The following PTPN14 variants were observed in gnomAD, a reference collection of about 807,000 sequenced individuals.
The protein encoded by PTPN14 is tyrosine-protein phosphatase non-receptor type 14.
A neutral mutation model predicts 126.8 loss-of-function variants in PTPN14; 53 were observed. That is an observed-to-expected ratio of 0.42 (90% CI 0.34 to 0.53). The LOEUF is 0.53. Ranked by LOEUF, PTPN14 falls within the 20% of genes least tolerant of loss-of-function variation. The probability of loss-of-function intolerance (pLI) is 0.08; values close to 1 mark genes in which losing one functional copy is unlikely to be tolerated. For missense variants in PTPN14, 1,257 were observed against 1,552.9 expected (o/e 0.81, Z 3.20); for synonymous variants, 630 against 599.3 (o/e 1.05, Z -0.75).
chr1:214,438,339 C>A (rs1659964981), intron 3 of PTPN14, among the ~76,000 whole-genome samples: 1 of 152,132 alleles, frequency 6.6e-6, no homozygotes, highest in East Asian at 1.9e-4. Flanking sequence ...GGACAAAGCA[C>A]CAGGCCGCGT....
At chr1:214,358,139 C>T (rs1657868758) in intron 18 of PTPN14, 89 bp from the exon 19 acceptor site, 1 of 1,490,828 alleles carries the variant, frequency 6.7e-7, no homozygotes, top group Non-Finnish European at 9.1e-7. Flanking sequence ...AGCACTCACC[C>T]ACTGCCCATG....
chr1:214,457,894 T>C (rs1235378729), intron 2 of PTPN14, among the ~76,000 whole-genome samples: 4 of 152,312 alleles, frequency 2.6e-5, no homozygotes, highest in East Asian at 3.9e-4. Flanking sequence ...CATAACCACA[T>C]GTGGCTACCA....
intron 5 of PTPN14, among the ~76,000 whole-genome samples, chr1:214,405,088 C>T (rs906341955): frequency 2.6e-5 from 4 of 152,306 alleles, no homozygotes; most frequent in Non-Finnish European, 4.4e-5. Flanking sequence ...CATTTCCATT[C>T]GGAAAGGATG....
intron 1 of PTPN14, among the ~76,000 whole-genome samples, chr1:214,547,779 C>G (rs1456462184): frequency 6.6e-6 from 1 of 152,018 alleles, no homozygotes; most frequent in Non-Finnish European, 1.5e-5. Flanking sequence ...TGTTCTCTGC[C>G]CTTCTAATCT....
At chr1:214,517,107 C>G (rs763795327) in intron 1 of PTPN14, among the ~76,000 whole-genome samples, 2 of 152,162 alleles carry the variant, frequency 1.3e-5, no homozygotes, top group African/African-American at 4.8e-5. Flanking sequence ...CAAATGTAAT[C>G]GGTCCTACCT....
chr1:214,398,027 T>C, intron 7 of PTPN14, 26 bp from the exon 8 acceptor site: 3 of 1,539,994 alleles, frequency 1.9e-6, no homozygotes, highest in Non-Finnish European at 2.7e-6. Context: ...AAAAGATACT[T>C]GTGATGACCC....
At position 214,551,237 on chromosome 1, in the gene PTPN14, C is replaced by CGCG. The variant is rs1331896341; in HGVS notation, c.-212_-210dup. ...AGTCCCGCGCGGAAAGGCTGTCCTTCGCGGCGGCGGAGCCGATTCCCCACG... is the reference window on the plus strand; with the variant it reads ...AGTCCCGCGCGGAAAGGCTGTCCTTCGCGGCGGCGGCGGAGCCGATTCCCCACG... On this transcript the variant is annotated 5_prime_UTR_variant, in exon 1 of 19. Coordinates refer to ENST00000366956, the MANE Select transcript of PTPN14 (RefSeq NM_005401.5). The CGCG allele has an allele frequency of 6.6e-6, 1 of 152,468 alleles. No homozygotes were observed. The highest frequency in any genetic ancestry group is 6.5e-5 in the Admixed American group (1 of 15,294). The allele number at this position is 152,468 out of a possible 1,614,324, so 9.4% of individuals were successfully genotyped here.
intron 3 of PTPN14, among the ~76,000 whole-genome samples, chr1:214,425,333 A>G (rs1659636231): frequency 6.6e-6 from 1 of 152,194 alleles, no homozygotes; most frequent in Non-Finnish European, 1.5e-5. Flanking sequence ...CAGCAGAAAG[A>G]AAAAAACAAA....
At chr1:214,510,770 C>G (rs1347453376) in intron 1 of PTPN14, among the ~76,000 whole-genome samples, 2 of 152,244 alleles carry the variant, frequency 1.3e-5, no homozygotes, top group Non-Finnish European at 1.5e-5. Flanking sequence ...CAGTTCTATG[C>G]CTTGGCTACC....
intron 11 of PTPN14, among the ~76,000 whole-genome samples, chr1:214,389,577 T>TA (rs1228589379): frequency 2.0e-5 from 3 of 152,256 alleles, no homozygotes; most frequent in East Asian, 3.9e-4. Context: ...GGTTTAAACC[T>TA]AAAGGACAGG....
At chr1:214,501,892 TATAAAAA>T (rs1259039977) in intron 1 of PTPN14, among the ~76,000 whole-genome samples, 33 of 151,970 alleles carry the variant, frequency 2.2e-4, no homozygotes, top group Non-Finnish European at 4.6e-4. Flanking sequence ...ACCCCGTCTC[TATAAAAA>T]ATACAAAAAA....
chr1:214,463,975 G>C (rs1244408906), intron 2 of PTPN14, among the ~76,000 whole-genome samples: 4 of 152,134 alleles, frequency 2.6e-5, no homozygotes, highest in African/African-American at 9.7e-5. Flanking sequence ...ACAACATACT[G>C]CTCTGAAAGT....
At position 214,464,746 on chromosome 1, in the gene PTPN14, A is replaced by G; in HGVS notation, c.58T>C (p.Cys20Arg). 6.2e-7 allele frequency: 1 copy of G among 1,614,276 alleles called. No individual in the cohort carries two copies. ...AGCAGGCGAATCCGTGTGACAAAGC[A>G]GTTCTTGCTCAGGACGTTGTAGCGC... ...TRRYNVLSKN[C>R]FVTRIRLLDS... is the part of the protein sequence containing the mutation. Residue 20 changes from cysteine to arginine, a missense_variant, in exon 2 of 19, where the codon TGC (cysteine) becomes CGC (arginine). Cys to Arg is a radical substitution (Grantham distance 180). Transcript: ENST00000366956.
chr1:214,385,224 C>T (rs559466531), intron 12 of PTPN14, among the ~76,000 whole-genome samples: 2 of 152,276 alleles, frequency 1.3e-5, no homozygotes, highest in African/African-American at 4.8e-5. Context: ...CTCAGAGCTG[C>T]TCTTCCTGAC....
Position 214,384,025 on chromosome 1 carries a change from T to C in PTPN14, c.1830A>G (p.Gln610=), listed in dbSNP as rs1366908588. 1 of 1,600,678 alleles carries C rather than the reference T, an allele frequency of 6.2e-7. No homozygotes were observed. Among genetic ancestry groups the C allele is most frequent in the African/African-American group, 1.3e-5 (1 of 74,788 alleles). ...RKVQLSVKTF[Q]EDSSPVVHQS... ...GATGAACCACCGGAGAGCTGTCCTC[T>C]TGGAAGGTCTTCACCGAGAGCTGCA... is the stretch of plus-strand genomic sequence containing the variant. The change falls in exon 13 of 19, where the codon CAA becomes CAG. Residue 610 remains glutamine, a synonymous_variant. Transcript: ENST00000366956. The surrounding 1 kb of genome is among the most constrained non-coding windows in gnomAD (Gnocchi z 5.3).
At chr1:214,459,310 G>T (rs1660455155) in intron 2 of PTPN14, among the ~76,000 whole-genome samples, 1 of 151,526 alleles carries the variant, frequency 6.6e-6, no homozygotes, top group South Asian at 2.1e-4. Flanking sequence ...GCACCACCTT[G>T]CCCGGGTAAT....
rs148513026 is a variant in PTPN14, at chr1:214,451,897, T to C, written c.252A>G (p.Lys84=). 6.5e-4 allele frequency: 1,048 copies of C among 1,614,230 alleles called. 1 individual carries two copies. Among genetic ancestry groups the C allele is most frequent in the Admixed American group, 1.0e-3 (62 of 60,028 alleles). Residue 84 remains lysine (K), a synonymous_variant, in exon 3 of 19, where the codon AAA becomes AAG. Transcript: ENST00000366956. Reference sequence around the variant, plus strand: ...GCTCATTAGCGAATTTGTCCAGATGTTTCTTCAGAGGTTTCTCCAGCTCCA... The same window carrying C: ...GCTCATTAGCGAATTTGTCCAGATGCTTCTTCAGAGGTTTCTCCAGCTCCA... The part of the protein sequence containing the change: ...RWVELEKPLK[K]HLDKFANEPL...
At position 214,523,435 on chromosome 1, in the gene PTPN14, G is replaced by A. The variant is rs186235712; in HGVS notation, c.-155+27748C>T. On this transcript the variant is annotated intron_variant, in intron 1 of 18. Coordinates refer to ENST00000366956, the MANE Select transcript of PTPN14 (RefSeq NM_005401.5). ...TCGATACACAGATACTTACCATTAT[G>A]TTACAACTGTCTACAGTATTCAGTA... is the stretch of plus-strand genomic sequence containing the variant. 2.9e-3 allele frequency among the ~76,000 whole-genome samples: 445 copies of A among 152,218 alleles called. 4 individuals carry two copies. The highest frequency in any genetic ancestry group is 0.011 in the African/African-American group (437 of 41,538).
At chr1:214,417,465 C>T (rs1049953816) in intron 3 of PTPN14, among the ~76,000 whole-genome samples, 2 of 152,078 alleles carry the variant, frequency 1.3e-5, no homozygotes, top group African/African-American at 2.4e-5. Context: ...CACTTCCTCC[C>T]ATAGGAGTTT....
Sources: gnomAD v4.1 joint callset for allele counts (sites outside exome capture counted in the v4.1 genomes callset) on GRCh38, gnomAD v4.1.1 for gene constraint, Gnocchi (gnomAD v3.1) non-coding constraint, MANE v1.5 for transcripts, NCBI Gene and HGNC (gene_info 2026-07-23, HGNC 2026-07-21) for gene names.